CLASP2: variants seen among roughly 807,000 people sequenced by gnomAD.
The protein encoded by CLASP2 is CLIP-associating protein 2.
A neutral mutation model predicts 194.4 loss-of-function variants in CLASP2; 47 were observed. That is an observed-to-expected ratio of 0.24 (90% confidence interval 0.19 to 0.31). The LOEUF is 0.31. CLASP2 is among the 10% of genes least tolerant of loss of function. The pLI is 1.00. For synonymous variants in CLASP2, 619 were observed against 633.5 expected (o/e 0.98, Z 0.34); for missense variants, 1,445 against 1,823.6 (o/e 0.79, Z 3.78).
intron 32 of CLASP2, among the ~76,000 whole-genome samples, chr3:33,542,689 A>G (rs976371046): frequency 6.6e-6 from 1 of 150,898 alleles, no homozygotes; most frequent in Non-Finnish European, 1.5e-5. Flanking sequence ...ATAATGTCAT[A>G]TATTCATTAT....
In CLASP2 at chr3:33,574,356, ATGTC is replaced by A. The variant is rs894552359; in HGVS notation, c.2455-1006_2455-1003del. Reference sequence around the variant, plus strand: ...ACCATATTTACAGAAAAATAGATGTATGTCTAAGGATTTTACTTCTACTTTGATT... The same window carrying A: ...ACCATATTTACAGAAAAATAGATGTATAAGGATTTTACTTCTACTTTGATT... On this transcript the variant is annotated intron_variant, in intron 24 of 38. Coordinates refer to ENST00000682230, the MANE Select transcript of CLASP2 (RefSeq NM_001365631.1). 1.8e-5 allele frequency: 11 copies of A among 619,594 alleles called. No individual in the cohort carries two copies. The African/African-American group carries it at 2.1e-4, about 12-fold the overall frequency. 38.4% of individuals were successfully genotyped at this position (619,594 alleles called of 1,614,324 possible).
intron 1 of CLASP2, among the ~76,000 whole-genome samples, chr3:33,704,012 C>CA (rs1319342024): frequency 6.6e-6 from 1 of 152,160 alleles, no homozygotes. Flanking sequence ...CTGTTGGAGT[C>CA]AAACTGCATG....
intron 32 of CLASP2, among the ~76,000 whole-genome samples, 152 bp downstream of exon 32, chr3:33,543,278 CAGG>C (rs1204389867): frequency 6.6e-6 from 1 of 152,254 alleles, no homozygotes; most frequent in East Asian, 1.9e-4. Context: ...GAGACTGAGG[CAGG>C]AGAACTGCTT....
chr3:33,530,697 T>C (rs191738291), intron 34 of CLASP2, among the ~76,000 whole-genome samples: 111 of 152,338 alleles, frequency 7.3e-4, no homozygotes, highest in Admixed American at 4.6e-3. Flanking sequence ...TTTAATCTTA[T>C]GGGACCACTG....
chr3:33,671,574 G>A (rs1367351918), intron 6 of CLASP2, among the ~76,000 whole-genome samples: 3 of 152,180 alleles, frequency 2.0e-5, no homozygotes, highest in Non-Finnish European at 2.9e-5. Context: ...TCACTAGGGA[G>A]TGCCAGACAG....
chr3:33,681,247 A>T (rs2089806825), intron 6 of CLASP2, among the ~76,000 whole-genome samples: 1 of 152,214 alleles, frequency 6.6e-6, no homozygotes, highest in Non-Finnish European at 1.5e-5. Context: ...CATCCATAAA[A>T]TGATGTAGAA....
intron 2 of CLASP2, among the ~76,000 whole-genome samples, chr3:33,693,747 GTTCAAGT>G (rs1030335112): frequency 1.1e-4 from 16 of 152,118 alleles, no homozygotes; most frequent in African/African-American, 3.6e-4. Flanking sequence ...GTAATAACAA[GTTCAAGT>G]TTCATTAAGG....
intron 35 of CLASP2, 95 bp downstream of exon 35, chr3:33,516,886 T>G: frequency 1.9e-6 from 2 of 1,072,136 alleles, no homozygotes; most frequent in Non-Finnish European, 2.7e-6. Context: ...AAGAGATTCA[T>G]TCTCCCAATT....
intron 29 of CLASP2, 55 bp from the exon 30 acceptor site, chr3:33,551,450 A>G (rs1454671951): frequency 3.9e-6 from 6 of 1,523,244 alleles, no homozygotes; most frequent in Non-Finnish European, 5.3e-6. Flanking sequence ...GTGAGACACT[A>G]GAGAACATTT....
chr3:33,645,388 C>T (rs763891321), intron 7 of CLASP2: 24 of 756,552 alleles, frequency 3.2e-5, no homozygotes, highest in Non-Finnish European at 4.6e-5. Flanking sequence ...ACAGTAAATT[C>T]GATACTAATC....
chr3:33,587,226 C>G (rs746200801), intron 21 of CLASP2, among the ~76,000 whole-genome samples: 6 of 151,806 alleles, frequency 4.0e-5, no homozygotes, highest in African/African-American at 1.5e-4. Flanking sequence ...CCCAGGTTCA[C>G]GCCATTCTCC....
intron 1 of CLASP2, among the ~76,000 whole-genome samples, chr3:33,711,111 G>A (rs927099151): frequency 3.9e-4 from 60 of 152,228 alleles, no homozygotes; most frequent in African/African-American, 1.2e-3. Flanking sequence ...TGACTGTCAG[G>A]CAGCATTAAG....
intron 26 of CLASP2, 60 bp downstream of exon 26, chr3:33,570,667 C>T: frequency 6.4e-7 from 1 of 1,560,684 alleles, no homozygotes; most frequent in Non-Finnish European, 8.7e-7. Context: ...AGTTTTTCTG[C>T]TTTGACAATA....
At chr3:33,708,178 A>T (rs1172542351) in intron 1 of CLASP2, among the ~76,000 whole-genome samples, 1 of 152,072 alleles carries the variant, frequency 6.6e-6, no homozygotes, top group Non-Finnish European at 1.5e-5. Context: ...CTCATCGTAT[A>T]ACAGAAAGCA....
In CLASP2 at chr3:33,516,359, C is replaced by T. The variant is rs958099849; in HGVS notation, c.3982-208G>A. 7.2e-5 allele frequency among the ~76,000 whole-genome samples: 11 copies of T among 152,274 alleles called. No homozygotes were observed. In the East Asian group the frequency reaches 1.5e-3, roughly 21 times the overall value. On this transcript the variant is annotated intron_variant, in intron 35 of 38. Coordinates refer to ENST00000682230, the MANE Select transcript of CLASP2 (RefSeq NM_001365631.1). The stretch of plus-strand genomic sequence containing the variant: ...TTTATTTGCAAGAAATCAAGAACTA[C>T]ATTCAGACTATAAAAAGAAGTTTTG...
chr3:33,620,940 G>T (rs186437925), intron 11 of CLASP2, among the ~76,000 whole-genome samples: 1 of 151,596 alleles, frequency 6.6e-6, no homozygotes, highest in East Asian at 1.9e-4. Context: ...CTTTTACATG[G>T]GCAGGTTAGT....
intron 6 of CLASP2, among the ~76,000 whole-genome samples, chr3:33,666,928 A>T (rs1455313971): frequency 6.6e-6 from 1 of 152,134 alleles, no homozygotes; most frequent in Non-Finnish European, 1.5e-5. Flanking sequence ...CTGGGGGTGC[A>T]TAATAGTTTT....
At chr3:33,668,183 C>T (rs1452131368) in intron 6 of CLASP2, among the ~76,000 whole-genome samples, 1 of 152,200 alleles carries the variant, frequency 6.6e-6, no homozygotes, top group Admixed American at 6.5e-5. Context: ...CGTGCCATTG[C>T]ACTCCGGCTC....
chr3:33,645,060 C>T (rs1213829547), intron 7 of CLASP2, 157 bp from the exon 8 acceptor site: 6 of 740,600 alleles, frequency 8.1e-6, no homozygotes, highest in South Asian at 7.9e-5. Flanking sequence ...TATATATTGG[C>T]TAACACCATA....
Sources: allele counts gnomAD v4.1 joint callset (sites outside exome capture counted in the v4.1 genomes callset), GRCh38; gene constraint gnomAD v4.1.1; transcripts MANE v1.5; gene names NCBI Gene and HGNC (gene_info 2026-07-23, HGNC 2026-07-21).